IKBIP: variants seen among roughly 807,000 people sequenced by gnomAD.
IKBIP encodes inhibitor of nuclear factor kappa-B kinase-interacting protein.
A neutral mutation model predicts 31.0 loss-of-function variants in IKBIP; 28 were observed. The observed-to-expected ratio is 0.90, with a 90% CI of 0.67 to 1.24. IKBIP has a LOEUF of 1.24. Ranked by LOEUF, IKBIP falls within the 50% of genes most tolerant of loss-of-function variation. The pLI is 0.00. For synonymous variants in IKBIP, 164 were observed against 160.3 expected (o/e 1.02, Z -0.17); for missense variants, 453 against 441.9 (o/e 1.03, Z -0.23).
downstream of IKBIP, among the ~76,000 whole-genome samples, chr12:98,622,237 G>C (rs1015708218): frequency 6.6e-6 from 1 of 151,972 alleles, no homozygotes; most frequent in Non-Finnish European, 1.5e-5. Context: ...TAAATTAATA[G>C]TTTATAGGCT....
Position 98,626,634 on chromosome 12 carries a change from T to C in IKBIP, c.430A>G (p.Arg144Gly). Residue 144 changes from arginine (R) to glycine (G), a missense_variant, in exon 3 of 3, where the codon AGG becomes GGG. By Grantham distance (125) the Arg-to-Gly change is moderately radical. Transcript: ENST00000299157. ...AATTTCTCATTAAGGCTTTGCATCC[T>C]TTGAGTGAGCACCTCTTCATTATTT... Reference protein sequence around the residue: ...IQNNEEVLTQRMQSLNEKFQN... With the variant: ...IQNNEEVLTQGMQSLNEKFQN... 1 of 1,614,014 alleles carries C rather than the reference T, an allele frequency of 6.2e-7. No homozygotes were observed. The highest frequency in any genetic ancestry group is 8.5e-7 in the Non-Finnish European group (1 of 1,180,016).
At chr12:98,634,241 G>C in intron 2 of IKBIP, 55 bp downstream of exon 2, 1 of 824,662 alleles carries the variant, frequency 1.2e-6, no homozygotes, top group Non-Finnish European at 2.1e-6. Context: ...ATAGAGAAAT[G>C]ATAGTGGGGT....
At chr12:98,613,437 C>T in exon 3 of IKBIP, 1 of 476,030 alleles carries the variant, frequency 2.1e-6, no homozygotes, top group Non-Finnish European at 3.6e-6. Flanking sequence ...GAAAATCAAC[C>T]TGTTTTAAAG....
chr12:98,614,181 C>G, exon 3 of IKBIP: 1 of 1,613,940 alleles, frequency 6.2e-7, no homozygotes, highest in Non-Finnish European at 8.5e-7. Context: ...TTTGTAATGT[C>G]TTGAGAAAGC....
intron 1 of IKBIP, among the ~76,000 whole-genome samples, chr12:98,642,010 T>G (rs926928099): frequency 6.6e-6 from 1 of 152,170 alleles, no homozygotes; most frequent in Non-Finnish European, 1.5e-5. Context: ...ATAGTTCAAA[T>G]TAAATCTTCC....
rs1345260137 is a variant in IKBIP, at chr12:98,644,512, C to G, written c.179+11G>C. 6.3e-7 allele frequency: 1 copy of G among 1,581,448 alleles called. No individual in the cohort carries two copies. ...CAGGAGGCCGGCCCAGGCAGCCTCG[C>G]GTCCACTTACCAGGCCAGGCCCAGG... On this transcript the variant is annotated intron_variant, in intron 1 of 2. Coordinates refer to ENST00000299157, the MANE Select transcript of IKBIP (RefSeq NM_153687.4).
chr12:98,627,588 G>A (rs1421294343), intron 2 of IKBIP, among the ~76,000 whole-genome samples: 16 of 151,794 alleles, frequency 1.1e-4, no homozygotes, highest in Non-Finnish European at 2.2e-4. Flanking sequence ...ACAGGCGCCC[G>A]CCACCACACC....
At chr12:98,621,505 T>C (rs1202746119), downstream of IKBIP, among the ~76,000 whole-genome samples, 1 of 152,172 alleles carries the variant, frequency 6.6e-6, no homozygotes, top group Non-Finnish European at 1.5e-5. Context: ...TTGACTCAAT[T>C]ATTGCTTTTT....
intron 2 of IKBIP, among the ~76,000 whole-genome samples, chr12:98,616,247 T>A (rs1310209385): frequency 6.6e-6 from 1 of 152,218 alleles, no homozygotes; most frequent in Admixed American, 6.5e-5. Flanking sequence ...TAATTAGTGA[T>A]GTTGAGCATT....
Position 98,613,896 on chromosome 12 carries a change from C to T in IKBIP, c.742G>A (p.Glu248Lys), listed in dbSNP as rs144567929. The change falls in exon 3 of 3, where the codon GAA becomes AAA. Residue 248 changes from glutamate to lysine, a missense_variant. Glu to Lys is a moderately conservative substitution (Grantham distance 56, BLOSUM62 1). Coordinates refer to the IKBIP transcript ENST00000342502. ...TGTTTGTCGAAGTCACTCTTTAGTTCGGTTAGCGTCTTCTTAACAGAGTTA... is the reference window on the plus strand; with the variant it reads ...TGTTTGTCGAAGTCACTCTTTAGTTTGGTTAGCGTCTTCTTAACAGAGTTA... 37 of 1,613,408 alleles carry T rather than the reference C, an allele frequency of 2.3e-5. No homozygotes were observed. In the African/African-American group the frequency reaches 2.7e-4, roughly 12 times the overall value.
In IKBIP at chr12:98,630,376, C is replaced by CAA. The variant is rs61623957; in HGVS notation, c.298-3612_298-3611dup. Among the ~76,000 whole-genome samples the CAA allele has an allele frequency of 7.0e-4, 29 of 41,296 alleles. 6 individuals carry two copies. Among genetic ancestry groups the CAA allele is most frequent in the African/African-American group, 1.2e-3 (10 of 8,162 alleles). 27.1% of individuals were successfully genotyped at this position (41,296 alleles called of 152,430 possible). On this transcript the variant is annotated intron_variant, in intron 2 of 2. Coordinates refer to ENST00000299157, the MANE Select transcript of IKBIP (RefSeq NM_153687.4). ...CCAGCCTGGGCAACAAGAGCCTGGG[C>CAA]AAAAAAAAAAAAAAAAAAAAAAAAA... is the stretch of plus-strand genomic sequence containing the variant.
chr12:98,613,534 T>C (rs370373884), exon 3 of IKBIP: 17 of 885,418 alleles, frequency 1.9e-5, no homozygotes, highest in Non-Finnish European at 2.9e-5. Flanking sequence ...AGTCTTCTCA[T>C]GAGAGGTCCC....
exon 3 of IKBIP, chr12:98,613,841 T>G (rs766415604): frequency 2.3e-5 from 37 of 1,612,110 alleles, no homozygotes; most frequent in Middle Eastern, 3.3e-4. Context: ...TTTGGCTCTG[T>G]CACCTTCTAA....
At chr12:98,624,171 T>C (rs896994354), downstream of IKBIP, 1 of 570,848 alleles carries the variant, frequency 1.8e-6, no homozygotes, top group Non-Finnish European at 2.2e-6. Flanking sequence ...GAGAAAAAAA[T>C]ATTTAAACGT....
intron 2 of IKBIP, among the ~76,000 whole-genome samples, chr12:98,616,008 T>C (rs1458358903): frequency 6.6e-6 from 1 of 152,172 alleles, no homozygotes; most frequent in Admixed American, 6.5e-5. Flanking sequence ...TTTGGATATA[T>C]ATCCAGAAGT....
In IKBIP at chr12:98,626,325, C is replaced by A. The variant is rs772054722; in HGVS notation, c.739G>T (p.Ala247Ser). 4 of 1,613,936 alleles carry A rather than the reference C, an allele frequency of 2.5e-6. No individual in the cohort carries two copies. The highest frequency in any genetic ancestry group is 1.3e-5 in the African/African-American group (1 of 74,938). Residue 247 changes from alanine (A) to serine (S), a missense_variant, in exon 3 of 3, where the codon GCC becomes TCC. Coordinates refer to ENST00000299157, the MANE Select transcript of IKBIP (RefSeq NM_153687.4). The part of the protein sequence containing the change: ...AIEKLEEEQH[A>S]LFARDEDLTN... ...AGATCTTCATCTCTGGCAAAGAGGG[C>A]ATGCTGTTCCTCTTCTAACTTTTCA...
intron 2 of IKBIP, among the ~76,000 whole-genome samples, chr12:98,618,623 C>T (rs1376452962): frequency 8.1e-6 from 1 of 123,296 alleles, no homozygotes; most frequent in Non-Finnish European, 1.7e-5. Context: ...CAGACTCTGT[C>T]TCAAAAAAAA....
chr12:98,614,195 G>A (rs572939698), exon 3 of IKBIP: 26 of 1,613,842 alleles, frequency 1.6e-5, no homozygotes, highest in South Asian at 7.7e-5. Flanking sequence ...AGAAAGCGTC[G>A]TCAGACTGTT....
chr12:98,616,490 C>T (rs1259922478), intron 2 of IKBIP, among the ~76,000 whole-genome samples: 5 of 152,126 alleles, frequency 3.3e-5, no homozygotes, highest in Admixed American at 2.6e-4. Context: ...TTTAGTTTGA[C>T]ACAATCATAT....
Sources: gnomAD v4.1 joint callset for allele counts (sites outside exome capture counted in the v4.1 genomes callset) on GRCh38, gnomAD v4.1.1 for gene constraint, MANE v1.5 for transcripts, NCBI Gene and HGNC (gene_info 2026-07-23, HGNC 2026-07-21) for gene names.